STK32A: variants seen among roughly 807,000 people sequenced by gnomAD.
STK32A encodes the protein serine/threonine kinase 32A.
Under a neutral mutation model 53.2 loss-of-function variants are expected in STK32A, and 41 were observed. The ratio of observed to expected loss-of-function variants is 0.77; its 90% CI spans 0.60 to 1.00. STK32A has a LOEUF of 1.00. Ranked by LOEUF, STK32A falls within the 50% of genes least tolerant of loss-of-function variation. The probability of loss-of-function intolerance (pLI) is 0.00; values close to 1 mark genes in which losing one functional copy is unlikely to be tolerated. For synonymous variants in STK32A, 166 were observed against 162.8 expected (o/e 1.02, Z -0.15); for missense variants, 458 against 485.8 (o/e 0.94, Z 0.54).
At chr5:147,398,047 G>A in the STK32A span, among the ~76,000 whole-genome samples, 1 of 152,144 alleles carries the variant, frequency 6.6e-6, no homozygotes, top group Non-Finnish European at 1.5e-5. Flanking sequence ...CTAGCAAAAA[G>A]AAGTGTCCGG....
chr5:147,382,404 A>G (rs900614400), intron 11 of STK32A, among the ~76,000 whole-genome samples: 3 of 151,646 alleles, frequency 2.0e-5, no homozygotes, highest in Non-Finnish European at 4.4e-5. Flanking sequence ...TGATGTCTTT[A>G]TCTAGTAGAT....
At chr5:147,357,964 A>C (rs1756330167) in intron 7 of STK32A, among the ~76,000 whole-genome samples, 1 of 151,568 alleles carries the variant, frequency 6.6e-6, no homozygotes, top group Non-Finnish European at 1.5e-5. Flanking sequence ...GGGATGCGGG[A>C]CTCTTTCTTT....
At chr5:147,284,479 G>A (rs1820272) in intron 4 of STK32A, among the ~76,000 whole-genome samples, 99,852 of 151,862 alleles carry the variant, frequency 0.66, 33,178 homozygotes, top group Admixed American at 0.76. Context: ...GTCACTGCTT[G>A]TTGGCGATAT....
At chr5:147,395,657 G>T in the STK32A span, 2 of 1,614,114 alleles carry the variant, frequency 1.2e-6, no homozygotes, top group Middle Eastern at 1.6e-4. Flanking sequence ...ACCTTTGGGG[G>T]TGGTGGTCAG....
intron 8 of STK32A, among the ~76,000 whole-genome samples, chr5:147,368,008 A>G (rs1756843859): frequency 6.6e-6 from 1 of 152,244 alleles, no homozygotes; most frequent in Non-Finnish European, 1.5e-5. Flanking sequence ...TATTTACAGA[A>G]AAGTATATGT....
chr5:147,312,208 A>G (rs1272541445), intron 4 of STK32A, among the ~76,000 whole-genome samples: 1 of 152,134 alleles, frequency 6.6e-6, no homozygotes. Flanking sequence ...TCAGGTGATT[A>G]TCCTGCCTCA....
rs1305069263 is a variant in STK32A at position 147,279,352 on chromosome 5, C to G, written c.214C>G (p.Leu72Val). The G allele has an allele frequency of 1.2e-6, 2 of 1,611,310 alleles. No individual in the cohort carries two copies. The highest frequency in any genetic ancestry group is 2.7e-5 in the African/African-American group (2 of 74,916). The change falls in exon 4 of 13, where the codon CTC becomes GTC. Residue 72 changes from leucine (L) to valine (V), a missense_variant. Coordinates refer to ENST00000397936, the MANE Select transcript of STK32A (RefSeq NM_001112724.2). Reference sequence around the variant, plus strand: ...TGAAGTGAGAAATGTCTTCAAGGAACTCCAGATCATGCAGGGTCTGGAGCA... The same window carrying G: ...TGAAGTGAGAAATGTCTTCAAGGAAGTCCAGATCATGCAGGGTCTGGAGCA... ...RNEVRNVFKE[L>V]QIMQGLEHPF...
chr5:147,280,895 C>T (rs1182556782), intron 4 of STK32A, among the ~76,000 whole-genome samples: 1 of 152,170 alleles, frequency 6.6e-6, no homozygotes, highest in East Asian at 1.9e-4. Flanking sequence ...TACTCCCTGC[C>T]ACCTCCACCA....
chr5:147,315,487 TTA>T (rs1182991879), intron 4 of STK32A, among the ~76,000 whole-genome samples: 2 of 152,138 alleles, frequency 1.3e-5, no homozygotes, highest in Non-Finnish European at 2.9e-5. Flanking sequence ...AGGACCAATA[TTA>T]TATGATTCCA....
chr5:147,249,908 C>CGAAAAAAA (rs1554099042), intron 2 of STK32A, among the ~76,000 whole-genome samples: 1 of 58,580 alleles, frequency 1.7e-5, no homozygotes, highest in African/African-American at 6.7e-5. Context: ...GCCTCTGTCT[C>CGAAAAAAA]AAAAAAAAAA....
chr5:147,392,335 C>T (rs1757835513), downstream of STK32A: 1 of 152,166 alleles, frequency 6.6e-6, no homozygotes, highest in Non-Finnish European at 1.5e-5. Context: ...AATCCTGTTC[C>T]TTGGCTATCT....
chr5:147,398,117 G>A, the STK32A span, among the ~76,000 whole-genome samples: 1 of 152,206 alleles, frequency 6.6e-6, no homozygotes, highest in African/African-American at 2.4e-5. Context: ...TCAAAGAGAA[G>A]CTGGATAACT....
intron 2 of STK32A, among the ~76,000 whole-genome samples, chr5:147,268,242 T>A (rs1266445854): frequency 6.6e-6 from 1 of 152,204 alleles, no homozygotes; most frequent in East Asian, 1.9e-4. Context: ...ACCTTCCTGA[T>A]AATCCAATGC....
At chr5:147,261,843 T>G (rs1344276395) in intron 2 of STK32A, among the ~76,000 whole-genome samples, 3 of 152,186 alleles carry the variant, frequency 2.0e-5, no homozygotes, top group African/African-American at 4.8e-5. Context: ...TTTTTTCTCT[T>G]TGGAAAAGGC....
Position 147,279,244 on chromosome 5 carries a change from T to C in STK32A, c.109-3T>C. The C allele has an allele frequency of 1.2e-6, 2 of 1,606,378 alleles. No homozygotes were observed. The highest frequency in any genetic ancestry group is 1.7e-6 in the Non-Finnish European group (2 of 1,174,838). Reference sequence around the variant, plus strand: ...ACTCTCTCACTCGGGTTTTCACCATTAGGTCTGCATTGTACAGAAGAATGA... The same window carrying C: ...ACTCTCTCACTCGGGTTTTCACCATCAGGTCTGCATTGTACAGAAGAATGA... On this transcript the variant is annotated splice_region_variant and splice_polypyrimidine_tract_variant and intron_variant, in intron 3 of 12. Coordinates refer to ENST00000397936, the MANE Select transcript of STK32A (RefSeq NM_001112724.2).
intron 4 of STK32A, among the ~76,000 whole-genome samples, chr5:147,320,016 A>G (rs1372424923): frequency 6.6e-6 from 1 of 151,048 alleles, no homozygotes; most frequent in African/African-American, 2.4e-5. Context: ...AGATATACTC[A>G]CAGAGACACA....
At chr5:147,308,868 T>C (rs1013144392) in intron 4 of STK32A, among the ~76,000 whole-genome samples, 5 of 151,704 alleles carry the variant, frequency 3.3e-5, no homozygotes, top group Non-Finnish European at 7.4e-5. Context: ...TGCTAGTTGG[T>C]CATGTTCTAT....
At chr5:147,339,860 T>C (rs1327248624) in intron 5 of STK32A, among the ~76,000 whole-genome samples, 1 of 146,742 alleles carries the variant, frequency 6.8e-6, no homozygotes, top group Non-Finnish European at 1.5e-5. Flanking sequence ...GTAACCCCAT[T>C]GTATCTAAGA....
At position 147,387,559 on chromosome 5, in the gene STK32A, A is replaced by G. The variant is rs909353026; in HGVS notation, c.*3576A>G. ...GCTAAGGCTTTAGCTCTTCAAAAGC[A>G]GAATGAAAAGGCACAAAAAGCACTT... On this transcript the variant is annotated 3_prime_UTR_variant, in exon 13 of 13. Transcript: ENST00000397936. The G allele has an allele frequency of 6.6e-6, 1 of 152,270 alleles. No homozygotes were observed. The allele number at this position is 152,270 out of a possible 1,614,324, so 9.4% of individuals were successfully genotyped here. A position where few individuals can be genotyped will look rare whatever the true frequency, so the allele number is the denominator to read the frequency against.
Sources: gnomAD v4.1 joint callset for allele counts (sites outside exome capture counted in the v4.1 genomes callset) on GRCh38, gnomAD v4.1.1 for gene constraint, MANE v1.5 for transcripts, NCBI Gene and HGNC (gene_info 2026-07-23, HGNC 2026-07-21) for gene names.